Variants in CNOT2 observed in about 807,000 individuals in gnomAD.
CNOT2 encodes CC chemokine receptor 4-negative regulator of transcription 2.
In CNOT2, 7 loss-of-function variants were observed where a neutral mutation model predicts 72.1. The ratio of observed to expected loss-of-function variants is 0.10; its 90% CI spans 0.06 to 0.18. The LOEUF (loss-of-function observed/expected upper bound fraction) is 0.18. Ranked by LOEUF, CNOT2 falls within the 10% of genes least tolerant of loss-of-function variation. CNOT2 has a pLI of 1.00. For missense variants in CNOT2, 345 were observed against 660.3 expected, an observed-to-expected ratio of 0.52 and a Z score of 5.23; for synonymous variants, 196 against 225.6, an observed-to-expected ratio of 0.87 and a Z score of 1.17.
intron 2 of CNOT2, among the ~76,000 whole-genome samples, chr12:70,291,753 C>T (rs559238240): frequency 6.8e-4 from 103 of 151,958 alleles, no homozygotes; most frequent in Middle Eastern, 3.4e-3. Flanking sequence ...CTGGCTAACA[C>T]GGTGAAACCC....
intron 2 of CNOT2, among the ~76,000 whole-genome samples, chr12:70,305,584 A>G (rs1005555222): frequency 1.3e-5 from 2 of 152,216 alleles, no homozygotes; most frequent in African/African-American, 4.8e-5. Flanking sequence ...AAGGTTACAG[A>G]CAGCATTTTT....
At chr12:70,319,501 T>C in intron 4 of CNOT2, 137 bp downstream of exon 4, 4 of 787,732 alleles carry the variant, frequency 5.1e-6, no homozygotes, top group Non-Finnish European at 8.0e-6. Flanking sequence ...TTCAGAGTTT[T>C]ATTTTACTTA....
chr12:70,335,398 T>C, intron 7 of CNOT2, 40 bp from the exon 8 acceptor site: 16 of 1,457,922 alleles, frequency 1.1e-5, no homozygotes, highest in Non-Finnish European at 1.5e-5. Context: ...TTAAAAAATA[T>C]TTGTAGAATC....
chr12:70,251,388 T>C (rs1958136262), intron 1 of CNOT2, among the ~76,000 whole-genome samples: 1 of 152,136 alleles, frequency 6.6e-6, no homozygotes, highest in Non-Finnish European at 1.5e-5. Context: ...GCACAAATCC[T>C]AGGAAAATGT....
intron 1 of CNOT2, among the ~76,000 whole-genome samples, chr12:70,267,585 C>T (rs1959112629): frequency 6.6e-6 from 1 of 152,228 alleles, no homozygotes; most frequent in Non-Finnish European, 1.5e-5. Context: ...GTACACAACT[C>T]ACTGCACTGC....
intron 3 of CNOT2, among the ~76,000 whole-genome samples, chr12:70,316,888 A>G (rs1877429453): frequency 6.6e-6 from 1 of 152,168 alleles, no homozygotes; most frequent in African/African-American, 2.4e-5. Context: ...AGTGTGAGAA[A>G]GTAGACTAAA....
At chr12:70,347,042 C>G (rs1200401451) in intron 15 of CNOT2, among the ~76,000 whole-genome samples, 2 of 136,722 alleles carry the variant, frequency 1.5e-5, no homozygotes, top group Non-Finnish European at 3.3e-5. Flanking sequence ...ATATTATTCT[C>G]CACATTATCT....
At position 70,266,749 on chromosome 12, in the gene CNOT2, T is replaced by A. The variant is rs1365354979; in HGVS notation, c.-95-11383T>A. 2.6e-5 allele frequency among the ~76,000 whole-genome samples: 4 copies of A among 152,198 alleles called. No homozygotes were observed. In the South Asian group the frequency reaches 6.2e-4, roughly 24 times the overall value. On this transcript the variant is annotated intron_variant, in intron 1 of 15. Coordinates refer to ENST00000229195, the MANE Select transcript of CNOT2 (RefSeq NM_014515.7). ...TTGCTCTGAAGTGTACTTATTCTGA[T>A]GGTAAGGTAGCCACTCCAGCTTCTC... is the stretch of plus-strand genomic sequence containing the variant.
intron 4 of CNOT2, 26 bp downstream of exon 4, chr12:70,319,390 A>G: frequency 6.2e-7 from 1 of 1,600,558 alleles, no homozygotes; most frequent in Non-Finnish European, 8.6e-7. Flanking sequence ...TTATTCTGGG[A>G]TACTTTATTT....
At chr12:70,316,847 A>T (rs188960882) in intron 3 of CNOT2, among the ~76,000 whole-genome samples, 2 of 152,276 alleles carry the variant, frequency 1.3e-5, no homozygotes, top group Admixed American at 6.5e-5. Context: ...GTAGATACCC[A>T]GGCATATCTG....
At position 70,353,985 on chromosome 12, in the gene CNOT2, A is replaced by G. The variant is rs1050621208; in HGVS notation, c.*70A>G. 1 of 1,544,758 alleles carries G rather than the reference A, an allele frequency of 6.5e-7. No individual in the cohort carries two copies. Among genetic ancestry groups the G allele is most frequent in the African/African-American group, 1.4e-5 (1 of 71,042 alleles). ...TGGCTGTCTCAGCACAATACTCAACATAACTGCAGAACTGATGTGGCTCAG... is the reference window on the plus strand; with the variant it reads ...TGGCTGTCTCAGCACAATACTCAACGTAACTGCAGAACTGATGTGGCTCAG... On this transcript the variant is annotated 3_prime_UTR_variant, in exon 16 of 16. Transcript: ENST00000229195.
chr12:70,252,767 AAAAT>A (rs1471161666), intron 1 of CNOT2, among the ~76,000 whole-genome samples: 12 of 152,220 alleles, frequency 7.9e-5, no homozygotes, highest in African/African-American at 2.2e-4. Context: ...AATGTAGATA[AAAAT>A]AAATAAATAA....
chr12:70,244,293 TC>T (rs1957763907), intron 1 of CNOT2: 1 of 152,274 alleles, frequency 6.6e-6, no homozygotes, highest in African/African-American at 2.4e-5. Context: ...GGTTTCTACT[TC>T]CGCAGGGGCC....
intron 1 of CNOT2, among the ~76,000 whole-genome samples, chr12:70,277,576 T>A (rs1869061817): frequency 1.3e-5 from 2 of 152,188 alleles, no homozygotes; most frequent in Admixed American, 1.3e-4. Flanking sequence ...GAGTAAAGTT[T>A]AATAGATTAT....
At chr12:70,313,511 G>A (rs1876815235) in intron 3 of CNOT2, among the ~76,000 whole-genome samples, 1 of 151,804 alleles carries the variant, frequency 6.6e-6, no homozygotes, top group Non-Finnish European at 1.5e-5. Flanking sequence ...CATTAGAAAT[G>A]TGTTTTGGTT....
intron 1 of CNOT2, among the ~76,000 whole-genome samples, chr12:70,273,504 A>T (rs1401404752): frequency 1.3e-5 from 2 of 152,286 alleles, no homozygotes; most frequent in African/African-American, 4.8e-5. Context: ...AAATTAAATC[A>T]CACAGAAGCT....
chr12:70,292,955 C>T (rs985184442), intron 2 of CNOT2, among the ~76,000 whole-genome samples: 5 of 152,002 alleles, frequency 3.3e-5, no homozygotes, highest in Non-Finnish European at 5.9e-5. Context: ...ATTCTGATAC[C>T]TCTGTATATT....
At chr12:70,321,042 G>T (rs1023625382) in intron 4 of CNOT2, among the ~76,000 whole-genome samples, 1 of 151,762 alleles carries the variant, frequency 6.6e-6, no homozygotes, top group South Asian at 2.1e-4. Context: ...ATTAGAAAAA[G>T]AATTTTTAAG....
rs185905152 is a variant in CNOT2, at chr12:70,292,160, G to T, written c.48+13886G>T. Among the ~76,000 whole-genome samples, 127 of 152,252 alleles carry T rather than the reference G, an allele frequency of 8.3e-4. 1 individual carries two copies. Among genetic ancestry groups the T allele is most frequent in the African/African-American group, 2.9e-3 (120 of 41,540 alleles). ...GTAATAAGACATATTAACATCATAT[G>T]CACTCATATATTGGAATATATGCAT... On this transcript the variant is annotated intron_variant, in intron 2 of 15. Transcript: ENST00000229195.
Sources: allele counts gnomAD v4.1 joint callset (sites outside exome capture counted in the v4.1 genomes callset), GRCh38; gene constraint gnomAD v4.1.1; transcripts MANE v1.5; gene names NCBI Gene and HGNC (gene_info 2026-07-23, HGNC 2026-07-21).